UNC45B: variants seen among roughly 807,000 people sequenced by gnomAD.
UNC45B encodes the protein unc-45 myosin chaperone B, also known as protein unc-45 homolog B.
UNC45B carries 78 observed loss-of-function variants against 98.7 expected under a neutral mutation model. That is an observed-to-expected ratio of 0.79 (90% CI 0.66 to 0.95). UNC45B has a LOEUF of 0.95. UNC45B is among the 40% of genes least tolerant of loss of function. The pLI, the probability that UNC45B is intolerant of heterozygous loss-of-function variation, is 0.00. For missense variants in UNC45B, 1,225 were observed against 1,184.9 expected, an observed-to-expected ratio of 1.03 and a Z score of -0.50; for synonymous variants, 462 against 480.4, an observed-to-expected ratio of 0.96 and a Z score of 0.50.
chr17:35,162,573 G>T (rs2092109336), intron 8 of UNC45B, among the ~76,000 whole-genome samples: 1 of 151,602 alleles, frequency 6.6e-6, no homozygotes, highest in African/African-American at 2.4e-5. Context: ...ACAGGCATGA[G>T]CCACCAAGCC....
intron 8 of UNC45B, among the ~76,000 whole-genome samples, chr17:35,160,689 C>T (rs758944645): frequency 1.3e-5 from 2 of 152,204 alleles, no homozygotes; most frequent in African/African-American, 4.8e-5. Context: ...CCTCCCACCT[C>T]GGCCTCCCAA....
rs199705567 is a variant in UNC45B at position 35,174,276 on chromosome 17, G to A, written c.1865G>A (p.Arg622Gln). 140 of 1,614,144 alleles carry A rather than the reference G, an allele frequency of 8.7e-5. No homozygotes were observed. In the African/African-American group the frequency reaches 9.3e-4, roughly 11 times the overall value. The change falls in exon 14 of 20, where the codon CGG (arginine) becomes CAG (glutamine). Residue 622 changes from arginine to glutamine, a missense_variant. Arg to Gln is a conservative substitution (Grantham distance 43). Transcript: ENST00000394570. ...GACTTTATAGACATGCGGGTGAAGC[G>A]GCTTCTGAAGGCGGGTGTCATCTCT... Reference protein sequence around the residue: ...KKDFIDMRVKRLLKAGVISAL... With the variant: ...KKDFIDMRVKQLLKAGVISAL...
At chr17:35,154,194 C>T (rs963232321) in intron 5 of UNC45B, among the ~76,000 whole-genome samples, 3 of 152,160 alleles carry the variant, frequency 2.0e-5, no homozygotes, top group Non-Finnish European at 2.9e-5. Context: ...CATGTAAAAA[C>T]ACTTCATTTC....
chr17:35,178,457 G>A (rs2092251179), intron 17 of UNC45B, among the ~76,000 whole-genome samples: 1 of 152,158 alleles, frequency 6.6e-6, no homozygotes, highest in South Asian at 2.1e-4. Flanking sequence ...CAGATGGGTA[G>A]ATTGCAAAAA....
rs2092317558 is a variant in UNC45B, at chr17:35,188,747, G to A, written c.*2188G>A. ...GTAAATAGTCCAAGAAGATCTAGAG[G>A]AAAGCTGAATTCCTTCATCTGATTT... On this transcript the variant is annotated 3_prime_UTR_variant, in exon 20 of 20. Transcript: ENST00000394570. 6.6e-6 allele frequency: 1 copy of A among 152,164 alleles called. No individual in the cohort carries two copies. The highest frequency in any genetic ancestry group is 1.5e-5 in the Non-Finnish European group (1 of 68,024). The allele number at this position is 152,164 out of a possible 1,614,324, so 9.4% of individuals were successfully genotyped here.
Position 35,186,700 on chromosome 17 carries a change from C to A in UNC45B, c.*141C>A. 1.0e-6 allele frequency: 1 copy of A among 989,076 alleles called. No individual in the cohort carries two copies. Among genetic ancestry groups the A allele is most frequent in the Non-Finnish European group, 1.4e-6 (1 of 690,888 alleles). The allele number at this position is 989,076 out of a possible 1,614,324, so 61.3% of individuals were successfully genotyped here. A position where few individuals can be genotyped will look rare whatever the true frequency, so the allele number is the denominator to read the frequency against. ...AATATAAAGGAAAGACTTGATTGTT[C>A]TCTGAGTTGTGAGTCTTCTCCTTTG... On this transcript the variant is annotated 3_prime_UTR_variant, in exon 20 of 20. Transcript: ENST00000394570.
chr17:35,177,282 G>T lies in UNC45B; in HGVS notation c.2139+152G>T. The T allele has an allele frequency of 3.7e-6, 3 of 815,818 alleles. No individual in the cohort carries two copies. In the South Asian group the frequency reaches 5.4e-5, roughly 15 times the overall value. 50.5% of individuals were successfully genotyped at this position (815,818 alleles called of 1,614,324 possible). On this transcript the variant is annotated intron_variant, in intron 16 of 19. Coordinates refer to ENST00000394570, the MANE Select transcript of UNC45B (RefSeq NM_001267052.2). ...ATGGAGGCACCTGGATTCCAGGCCT[G>T]GTTCTGCCTCTGACAAACCGGATTG...
In UNC45B at chr17:35,180,692, A is replaced by C; in HGVS notation, c.2373+16A>C. 1.9e-6 allele frequency: 3 copies of C among 1,601,478 alleles called. No homozygotes were observed. In the African/African-American group the frequency reaches 4.0e-5, roughly 21 times the overall value. ...CCACAAGGAGGTGAGGCAGGGGCTC[A>C]GGATGGAGACCCGGGCGTGATCAAG... is the stretch of plus-strand genomic sequence containing the variant. On this transcript the variant is annotated intron_variant, in intron 18 of 19. Coordinates refer to ENST00000394570, the MANE Select transcript of UNC45B (RefSeq NM_001267052.2).
chr17:35,169,877 G>A lies in UNC45B; in HGVS notation c.1493G>A (p.Gly498Asp). 1.2e-6 allele frequency: 2 copies of A among 1,614,182 alleles called. No homozygotes were observed. The highest frequency in any genetic ancestry group is 1.7e-6 in the Non-Finnish European group (2 of 1,180,032). ...KLGSAGGTDY[G>D]LRQFAEGSTE... ...GGCTCTGCAGGTGGCACAGACTACG[G>A]TCTCAGGCAGTTTGCGGAAGGGTCG... is the stretch of plus-strand genomic sequence containing the variant. Residue 498 changes from glycine (G) to aspartate (D), a missense_variant, in exon 11 of 20, where the codon GGT becomes GAT. Coordinates refer to ENST00000394570, the MANE Select transcript of UNC45B (RefSeq NM_001267052.2).
At chr17:35,166,107 A>AAAAAAAAAAAAAAAAAAAAAAAAG (rs1567760467) in intron 9 of UNC45B, among the ~76,000 whole-genome samples, 1 of 148,416 alleles carries the variant, frequency 6.7e-6, no homozygotes, top group African/African-American at 2.5e-5. Flanking sequence ...AAAAAAAAAA[A>AAAAAAAAAAAAAAAAAAAAAAAAG]AAAATTAAAA....
At chr17:35,166,538 A>C (rs955085966) in intron 9 of UNC45B, among the ~76,000 whole-genome samples, 5 of 152,080 alleles carry the variant, frequency 3.3e-5, no homozygotes, top group Admixed American at 1.3e-4. Flanking sequence ...TGCTGAGAGG[A>C]GGGGTCACTG....
At chr17:35,160,226 T>C (rs13341100) in intron 8 of UNC45B, among the ~76,000 whole-genome samples, 1,833 of 152,280 alleles carry the variant, frequency 0.012, 48 homozygotes, top group South Asian at 0.061. Context: ...CAGTAAATGA[T>C]CACTTTACAT....
At chr17:35,171,262 CA>C in intron 12 of UNC45B, 59 bp from the exon 13 acceptor site, 2 of 1,587,562 alleles carry the variant, frequency 1.3e-6, no homozygotes, top group Non-Finnish European at 1.7e-6. Flanking sequence ...ATCCTGGAAG[CA>C]GAGGTTTGTC....
At chr17:35,168,941 A>G (rs750012082) in intron 10 of UNC45B, among the ~76,000 whole-genome samples, 4 of 152,124 alleles carry the variant, frequency 2.6e-5, no homozygotes, top group Non-Finnish European at 2.9e-5. Context: ...TCCTGACCTC[A>G]GGTGATCCAC....
chr17:35,151,410 G>A (rs2092018843), intron 4 of UNC45B, among the ~76,000 whole-genome samples: 1 of 151,994 alleles, frequency 6.6e-6, no homozygotes, highest in South Asian at 2.1e-4. Flanking sequence ...AGACTCTCTC[G>A]AACTCCTGGC....
Position 35,186,624 on chromosome 17 carries a change from C to T in UNC45B, c.*65C>T. On this transcript the variant is annotated 3_prime_UTR_variant, in exon 20 of 20. Coordinates refer to ENST00000394570, the MANE Select transcript of UNC45B (RefSeq NM_001267052.2). Reference sequence around the variant, plus strand: ...TGCAGAGTCCTGGGTTGGTTGGGTTCTCCTGAAGAGTCAGGTCATCTAGGG... The same window carrying T: ...TGCAGAGTCCTGGGTTGGTTGGGTTTTCCTGAAGAGTCAGGTCATCTAGGG... 6.4e-7 allele frequency: 1 copy of T among 1,570,206 alleles called. No homozygotes were observed. Among genetic ancestry groups the T allele is most frequent in the Non-Finnish European group, 8.7e-7 (1 of 1,152,138 alleles).
At chr17:35,170,302 T>A in intron 12 of UNC45B, 47 bp downstream of exon 12, 1 of 1,548,568 alleles carries the variant, frequency 6.5e-7, no homozygotes. Flanking sequence ...AGGAAAGGTC[T>A]GCTGGGTCCA....
At position 35,183,461 on chromosome 17, in the gene UNC45B, G is replaced by A. The variant is rs532771613; in HGVS notation, c.2408G>A (p.Arg803Gln). 6.5e-5 allele frequency: 104 copies of A among 1,599,930 alleles called. No individual in the cohort carries two copies. Among genetic ancestry groups the A allele is most frequent in the Non-Finnish European group, 7.3e-5 (86 of 1,172,730 alleles). ...QERFLADGNDRLKLVVLLCGE... is the reference protein window; with the variant it reads ...QERFLADGNDQLKLVVLLCGE... Reference sequence around the variant, plus strand: ...AGGTTCTTGGCTGACGGGAATGACCGGCTGAAGCTGGTGGTGCTGCTCTGC... The same window carrying A: ...AGGTTCTTGGCTGACGGGAATGACCAGCTGAAGCTGGTGGTGCTGCTCTGC... The change falls in exon 19 of 20, where the codon CGG (arginine) becomes CAG (glutamine). Residue 803 changes from arginine to glutamine, a missense_variant. Coordinates refer to ENST00000394570, the MANE Select transcript of UNC45B (RefSeq NM_001267052.2).
In UNC45B at chr17:35,176,883, T is replaced by A. The variant is rs941242883; in HGVS notation, c.2026-134T>A. On this transcript the variant is annotated intron_variant, in intron 15 of 19. Coordinates refer to ENST00000394570, the MANE Select transcript of UNC45B (RefSeq NM_001267052.2). ...TTAAGGATTTAATTGTTTTCCATGA[T>A]GTGCAAGGGCTGATTATACGGCAGA... 1.3e-5 allele frequency: 8 copies of A among 626,428 alleles called. No individual in the cohort carries two copies. The African/African-American group carries it at 1.5e-4, about 11-fold the overall frequency. 38.8% of individuals were successfully genotyped at this position (626,428 alleles called of 1,614,324 possible). A position where few individuals can be genotyped will look rare whatever the true frequency, so the allele number is the denominator to read the frequency against.
Sources: allele counts gnomAD v4.1 joint callset (sites outside exome capture counted in the v4.1 genomes callset), GRCh38; gene constraint gnomAD v4.1.1; transcripts MANE v1.5; gene names NCBI Gene and HGNC (gene_info 2026-07-23, HGNC 2026-07-21).